Variants in CTDSPL observed in about 807,000 individuals in gnomAD.
CTDSPL encodes the protein CTD small phosphatase like.
CTDSPL carries 8 observed loss-of-function variants against 30.5 expected under a neutral mutation model. The observed-to-expected ratio is 0.26, with a 90% confidence interval of 0.15 to 0.47. The LOEUF is 0.47. Ranked by LOEUF, CTDSPL falls within the 20% of genes least tolerant of loss-of-function variation. The probability of loss-of-function intolerance (pLI) is 0.99; values close to 1 mark genes in which losing one functional copy is unlikely to be tolerated. For missense variants in CTDSPL, 248 were observed against 366.1 expected (o/e 0.68, Z 2.63); for synonymous variants, 110 against 137.9 (o/e 0.80, Z 1.42).
intron 1 of CTDSPL, among the ~76,000 whole-genome samples, chr3:37,944,433 A>G (rs1178913482): frequency 6.7e-6 from 1 of 150,354 alleles, no homozygotes; most frequent in Non-Finnish European, 1.5e-5. Context: ...TTACCAGTTT[A>G]TGAGCAAATC....
At position 37,876,236 on chromosome 3, in the gene CTDSPL, C is replaced by T. The variant is rs142210790; in HGVS notation, c.79+13958C>T. ...TCCAGCCTGAGTGACAGAGCAAGAC[C>T]GTGTCTCATTAAAAAAAAAATTAAG... On this transcript the variant is annotated intron_variant, in intron 1 of 7. Transcript: ENST00000273179. Among the ~76,000 whole-genome samples the T allele has an allele frequency of 5.5e-3, 833 of 151,716 alleles. 24 individuals carry two copies. The South Asian group carries it at 0.076, about 14-fold the overall frequency.
At chr3:37,956,944 C>G (rs1270647955) in intron 2 of CTDSPL, among the ~76,000 whole-genome samples, 167 bp from the exon 3 acceptor site, 1 of 152,078 alleles carries the variant, frequency 6.6e-6, no homozygotes, top group Non-Finnish European at 1.5e-5. Flanking sequence ...GAGCCTCATG[C>G]CTTAACTGTG....
chr3:37,967,731 C>T, intron 4 of CTDSPL, 95 bp from the exon 5 acceptor site: 1 of 846,462 alleles, frequency 1.2e-6, no homozygotes, highest in Non-Finnish European at 1.9e-6. Context: ...TTCCAATAAC[C>T]AAAACATTGG....
intron 4 of CTDSPL, 60 bp from the exon 5 acceptor site, chr3:37,967,766 A>G: frequency 7.6e-7 from 1 of 1,316,428 alleles, no homozygotes; most frequent in Non-Finnish European, 1.1e-6. Flanking sequence ...TTTCTTGCTA[A>G]AATTTCCAGA....
chr3:37,928,533 A>T (rs535433714), intron 1 of CTDSPL, among the ~76,000 whole-genome samples: 1 of 152,250 alleles, frequency 6.6e-6, no homozygotes, highest in South Asian at 2.1e-4. Context: ...ATGTCTTTAG[A>T]GAAATATCTA....
rs1159048060 is a variant in CTDSPL at position 37,923,948 on chromosome 3, T to C, written c.80-23109T>C. Reference sequence around the variant, plus strand: ...TCTTCACAATTAATCCCAAAACATCTGTGAGTATGCATGAGAGCTGATGCC... The same window carrying C: ...TCTTCACAATTAATCCCAAAACATCCGTGAGTATGCATGAGAGCTGATGCC... On this transcript the variant is annotated intron_variant, in intron 1 of 7. Transcript: ENST00000273179. 2.0e-5 allele frequency among the ~76,000 whole-genome samples: 3 copies of C among 152,310 alleles called. No homozygotes were observed. The East Asian group carries it at 5.8e-4, about 29-fold the overall frequency.
intron 1 of CTDSPL, among the ~76,000 whole-genome samples, chr3:37,908,484 G>A (rs1179123904): frequency 6.6e-6 from 1 of 151,882 alleles, no homozygotes; most frequent in African/African-American, 2.4e-5. Context: ...TTAATGGCTG[G>A]GTAATATTTT....
At chr3:37,976,081 T>C (rs1430245329) in intron 7 of CTDSPL, among the ~76,000 whole-genome samples, 187 bp downstream of exon 7, 1 of 152,182 alleles carries the variant, frequency 6.6e-6, no homozygotes, top group East Asian at 1.9e-4. Flanking sequence ...CTCGGTTGCC[T>C]CATCTGTCAA....
chr3:37,964,783 C>G, intron 4 of CTDSPL, 111 bp downstream of exon 4: 1 of 741,510 alleles, frequency 1.3e-6, no homozygotes, highest in East Asian at 2.6e-5. Context: ...TGTGACTTCA[C>G]TCTTCATGTA....
intron 1 of CTDSPL, among the ~76,000 whole-genome samples, chr3:37,908,450 A>T (rs925935376): frequency 6.6e-6 from 1 of 152,196 alleles, no homozygotes; most frequent in Non-Finnish European, 1.5e-5. Context: ...TCATTTTGCT[A>T]CGTAGACTCT....
intron 6 of CTDSPL, among the ~76,000 whole-genome samples, chr3:37,973,084 T>C (rs1312010016): frequency 1.3e-5 from 2 of 152,256 alleles, no homozygotes; most frequent in African/African-American, 4.8e-5. Context: ...GCCAGACTTA[T>C]CACCAGGCCT....
chr3:37,884,410 G>A (rs1370509238), intron 1 of CTDSPL, among the ~76,000 whole-genome samples: 2 of 152,202 alleles, frequency 1.3e-5, no homozygotes, highest in East Asian at 3.8e-4. Context: ...AATTCTAACA[G>A]CAGTTATCTA....
intron 2 of CTDSPL, among the ~76,000 whole-genome samples, chr3:37,953,813 C>T (rs1699137393): frequency 6.6e-6 from 1 of 152,026 alleles, no homozygotes; most frequent in Non-Finnish European, 1.5e-5. Context: ...AAACAGCAAC[C>T]AACACAGGAA....
intron 2 of CTDSPL, among the ~76,000 whole-genome samples, chr3:37,950,162 G>T (rs1416966640): frequency 1.3e-5 from 2 of 152,132 alleles, no homozygotes; most frequent in South Asian, 2.1e-4. Context: ...AGTCTCTGAG[G>T]TTTGTTAACT....
intron 1 of CTDSPL, among the ~76,000 whole-genome samples, chr3:37,916,126 T>C (rs1039073775): frequency 1.3e-5 from 2 of 152,154 alleles, no homozygotes; most frequent in Non-Finnish European, 2.9e-5. Flanking sequence ...TCAGACTCTT[T>C]CAGAAGTGGC....
intron 7 of CTDSPL, 125 bp downstream of exon 7, chr3:37,976,019 C>G (rs1699423298): frequency 1.9e-6 from 2 of 1,043,748 alleles, no homozygotes; most frequent in Admixed American, 2.7e-5. Context: ...AATCCCAGCT[C>G]TGCCATTTAG....
intron 1 of CTDSPL, among the ~76,000 whole-genome samples, chr3:37,877,237 G>T (rs528438480): frequency 2.6e-5 from 4 of 151,848 alleles, no homozygotes; most frequent in African/African-American, 9.7e-5. Flanking sequence ...TTGCAAAAAC[G>T]AAACTATTCA....
chr3:37,967,948 T>A, intron 5 of CTDSPL, 66 bp downstream of exon 5: 1 of 1,073,386 alleles, frequency 9.3e-7, no homozygotes, highest in Non-Finnish European at 1.4e-6. Flanking sequence ...TCCTATGAAC[T>A]TTATTTCTAA....
chr3:37,863,885 G>T (rs1697975356), intron 1 of CTDSPL, among the ~76,000 whole-genome samples: 1 of 152,180 alleles, frequency 6.6e-6, no homozygotes, highest in Non-Finnish European at 1.5e-5. Flanking sequence ...GTAAAATAAA[G>T]AATTCAAACT....
Sources: gnomAD v4.1 joint callset for allele counts (sites outside exome capture counted in the v4.1 genomes callset) on GRCh38, gnomAD v4.1.1 for gene constraint, MANE v1.5 for transcripts, NCBI Gene and HGNC (gene_info 2026-07-23, HGNC 2026-07-21) for gene names.